The following SPG11 variants were observed in gnomAD, a reference collection of about 807,000 sequenced individuals.
SPG11 encodes spatacsin.
A neutral mutation model predicts 274.0 loss-of-function variants in SPG11; 222 were observed. The observed-to-expected ratio is 0.81, with a 90% CI of 0.73 to 0.91. The LOEUF is 0.91. SPG11 is among the 40% of genes least tolerant of loss of function. The probability of loss-of-function intolerance (pLI) is 0.00; values close to 1 mark genes in which losing one functional copy is unlikely to be tolerated. For synonymous variants in SPG11, 1,144 were observed against 1,039.7 expected, an observed-to-expected ratio of 1.10 and a Z score of -1.93; for missense variants, 3,114 against 2,872.7, an observed-to-expected ratio of 1.08 and a Z score of -1.92.
intron 27 of SPG11, among the ~76,000 whole-genome samples, chr15:44,592,025 C>T (rs1222545250): frequency 6.6e-6 from 1 of 151,262 alleles, no homozygotes; most frequent in East Asian, 1.9e-4. Flanking sequence ...GCAGGAGAAT[C>T]GCTTGAACCT....
intron 21 of SPG11, chr15:44,600,150 A>G (rs1053146111): frequency 2.1e-5 from 5 of 236,046 alleles, no homozygotes; most frequent in African/African-American, 4.5e-5. Context: ...CACACAGGGA[A>G]GCACAAATGA....
Position 44,657,280 on chromosome 15 carries a change from CACA to C in SPG11, c.681_683del (p.Val228del), listed in dbSNP as rs762259054. The C allele has an allele frequency of 1.2e-6, 2 of 1,614,158 alleles. No homozygotes were observed. Among genetic ancestry groups the C allele is most frequent in the South Asian group, 1.1e-5 (1 of 91,078 alleles). ...CCACATGAGCTACATATGTACCATCCACAACATCAAAAATGTCTTTTAGTTAGA... is the reference window on the plus strand; with the variant it reads ...CCACATGAGCTACATATGTACCATCCACATCAAAAATGTCTTTTAGTTAGA... On this transcript the variant is annotated inframe_deletion, in exon 4 of 40. Transcript: ENST00000261866.
At chr15:44,652,668 T>TC (rs935184348) in intron 4 of SPG11, among the ~76,000 whole-genome samples, 2 of 151,772 alleles carry the variant, frequency 1.3e-5, no homozygotes, top group African/African-American at 4.8e-5. Flanking sequence ...CTTTTTTTTT[T>TC]TTTTGAGACA....
chr15:44,573,236 T>C (rs541827571), intron 32 of SPG11: 385 of 540,582 alleles, frequency 7.1e-4, no homozygotes, highest in Non-Finnish European at 1.3e-4. Context: ...CTGCCAGCCT[T>C]GGCCTCCCAA....
chr15:44,635,643 A>T (rs2084223640), intron 7 of SPG11, among the ~76,000 whole-genome samples: 1 of 150,330 alleles, frequency 6.7e-6, no homozygotes, highest in South Asian at 2.1e-4. Context: ...AAAGCCGGGT[A>T]TGGTGGCTCA....
At chr15:44,599,206 T>C (rs1279633201) in intron 21 of SPG11, among the ~76,000 whole-genome samples, 1 of 152,200 alleles carries the variant, frequency 6.6e-6, no homozygotes, top group Non-Finnish European at 1.5e-5. Flanking sequence ...TAAATGTAAG[T>C]TTGACATCAT....
rs2082218958 is a variant in SPG11 at position 44,562,779 on chromosome 15, TAATTA to T, written c.*337_*341del. 2 of 238,442 alleles carry T rather than the reference TAATTA, an allele frequency of 8.4e-6. No individual in the cohort carries two copies. The highest frequency in any genetic ancestry group is 6.5e-5 in the South Asian group (1 of 15,430). The allele number at this position is 238,442 out of a possible 1,614,324, so 14.8% of individuals were successfully genotyped here. On this transcript the variant is annotated 3_prime_UTR_variant, in exon 40 of 40. Transcript: ENST00000261866. ...ACCTGTTCCTTAACTGTGTAAATAA[TAATTA>T]AATTTCTTTGAAACTGGAATCTGCA...
Position 44,562,920 on chromosome 15 carries a change from C to A in SPG11, c.*201G>T. On this transcript the variant is annotated 3_prime_UTR_variant, in exon 40 of 40. Coordinates refer to ENST00000261866, the MANE Select transcript of SPG11 (RefSeq NM_025137.4). ...ATCTATATAAAATGGTGTGGATGAA[C>A]AATCATCTAAAATCAATCTATTTTA... 1 of 576,436 alleles carries A rather than the reference C, an allele frequency of 1.7e-6. No homozygotes were observed. The highest frequency in any genetic ancestry group is 2.9e-5 in the East Asian group (1 of 34,028). 35.7% of individuals were successfully genotyped at this position (576,436 alleles called of 1,614,324 possible).
At position 44,610,837 on chromosome 15, in the gene SPG11, T is replaced by C. The variant is rs773192977; in HGVS notation, c.3291+3A>G. ...CTATTTTGTCATAAAGTGCTATCCA[T>C]ACCTGACTGACACCCCCAGGAGAAT... On this transcript the variant is annotated splice_donor_region_variant and intron_variant, in intron 18 of 39. Coordinates refer to ENST00000261866, the MANE Select transcript of SPG11 (RefSeq NM_025137.4). 5.0e-6 allele frequency: 8 copies of C among 1,613,816 alleles called. No individual in the cohort carries two copies. The highest frequency in any genetic ancestry group is 5.9e-6 in the Non-Finnish European group (7 of 1,179,764).
At chr15:44,622,404 A>G in intron 12 of SPG11, 57 bp from the exon 13 acceptor site, 1 of 1,384,792 alleles carries the variant, frequency 7.2e-7, no homozygotes, top group Non-Finnish European at 1.0e-6. Flanking sequence ...ACTTTTGCAA[A>G]AAATGTCATG....
chr15:44,563,894 TA>T (rs1380870006), intron 39 of SPG11, among the ~76,000 whole-genome samples: 1 of 152,232 alleles, frequency 6.6e-6, no homozygotes, highest in African/African-American at 2.4e-5. Flanking sequence ...AGACTAGTAT[TA>T]GGGGTGCTTG....
rs1478291673 is a variant in SPG11 at position 44,663,492 on chromosome 15, C to T, written c.156G>A (p.Glu52=). 6.3e-7 allele frequency: 1 copy of T among 1,593,490 alleles called. No homozygotes were observed. Among genetic ancestry groups the T allele is most frequent in the Non-Finnish European group, 8.5e-7 (1 of 1,170,844 alleles). The change falls in exon 1 of 40, where the codon GAG becomes GAA. Residue 52 remains glutamate (E), a synonymous_variant. Transcript: ENST00000261866. ...GSRAQLRTQP[E]ALGSLTAAGS... ...CCGCAGCCGTCAGGCTCCCCAGAGC[C>T]TCCGGCTGTGTGCGCAGCTGCGCCC...
At chr15:44,581,120 T>C (rs780835267) in intron 30 of SPG11, among the ~76,000 whole-genome samples, 38 of 152,254 alleles carry the variant, frequency 2.5e-4, no homozygotes, top group Non-Finnish European at 4.4e-4. Flanking sequence ...TGAACAATGA[T>C]TCAACTGACT....
intron 26 of SPG11, among the ~76,000 whole-genome samples, chr15:44,592,929 T>C (rs994480858): frequency 6.6e-6 from 1 of 150,774 alleles, no homozygotes; most frequent in African/African-American, 2.4e-5. Context: ...GTTGTAGCTG[T>C]AGCTATGATC....
intron 17 of SPG11, 109 bp from the exon 18 acceptor site, chr15:44,611,094 A>AGT: frequency 3.4e-6 from 1 of 291,860 alleles, no homozygotes; most frequent in Non-Finnish European, 5.8e-6. Context: ...TCCCCAGTAA[A>AGT]AAAAAAAAAA....
At chr15:44,605,974 TGTAGTTAA>T (rs745714315) in intron 20 of SPG11, 43 bp downstream of exon 20, 15 of 1,432,504 alleles carry the variant, frequency 1.0e-5, no homozygotes, top group Non-Finnish European at 2.0e-6. Flanking sequence ...TATTAACTTC[TGTAGTTAA>T]CACTGCTAAA....
intron 28 of SPG11, among the ~76,000 whole-genome samples, chr15:44,587,192 TC>T (rs2082784651): frequency 6.6e-6 from 1 of 152,176 alleles, no homozygotes; most frequent in South Asian, 2.1e-4. Context: ...CAAAGAATTC[TC>T]TGCCAACAAT....
intron 15 of SPG11, among the ~76,000 whole-genome samples, chr15:44,618,169 A>G (rs1464689136): frequency 6.6e-6 from 1 of 152,090 alleles, no homozygotes; most frequent in Non-Finnish European, 1.5e-5. Context: ...TTCACTAGTA[A>G]GTATGATGTT....
chr15:44,652,893 G>C (rs914520228), intron 4 of SPG11, among the ~76,000 whole-genome samples: 1 of 152,104 alleles, frequency 6.6e-6, no homozygotes, highest in Non-Finnish European at 1.5e-5. Context: ...CTGACTTCCA[G>C]TGATGTGCCT....
Sources: allele counts gnomAD v4.1 joint callset (sites outside exome capture counted in the v4.1 genomes callset), GRCh38; gene constraint gnomAD v4.1.1; transcripts MANE v1.5; gene names NCBI Gene and HGNC (gene_info 2026-07-23, HGNC 2026-07-21).